Variants in CCZ1 observed in about 807,000 individuals in gnomAD.
CCZ1 encodes the protein CCZ1 vacuolar protein trafficking and biogenesis associated.
CCZ1 carries 19 observed loss-of-function variants against 57.8 expected under a neutral mutation model. That is an observed-to-expected ratio of 0.33 (90% CI 0.23 to 0.48). The LOEUF (loss-of-function observed/expected upper bound fraction) is 0.48, where lower values mean the gene tolerates loss of function less well. Ranked by LOEUF, CCZ1 falls within the 20% of genes least tolerant of loss-of-function variation. CCZ1 has a pLI of 0.99. For missense variants in CCZ1, 200 were observed against 492.0 expected (o/e 0.41, Z 5.61); for synonymous variants, 81 against 167.0 (o/e 0.49, Z 3.97).
At position 5,907,665 on chromosome 7, in the gene CCZ1, C is replaced by T. The variant is rs1424541496; in HGVS notation, c.699-2370C>T. ...CAATCTGGCGCCCAGCTCTGGGGAT[C>T]CTGTTGGCATCGTCATCTTGGAATA... On this transcript the variant is annotated intron_variant, in intron 7 of 14. Transcript: ENST00000325974. Among the ~76,000 whole-genome samples, 2 of 145,948 alleles carry T rather than the reference C, an allele frequency of 1.4e-5. 1 individual carries two copies. The highest frequency in any genetic ancestry group is 3.0e-5 in the Non-Finnish European group (2 of 67,270).
In CCZ1 at chr7:5,907,433, G is replaced by A. The variant is rs1336565868; in HGVS notation, c.698+2164G>A. On this transcript the variant is annotated intron_variant, in intron 7 of 14. Coordinates refer to ENST00000325974, the MANE Select transcript of CCZ1 (RefSeq NM_015622.6). ...GACAAGCCAGAATCCAGCAGTAGTG[G>A]CCCATGGCCTTGCTTCCACCAAAAA... Among the ~76,000 whole-genome samples the A allele has an allele frequency of 1.3e-5, 2 of 148,970 alleles. 1 individual carries two copies. The highest frequency in any genetic ancestry group is 4.5e-4 in the East Asian group (2 of 4,474).
chr7:5,909,977 A>G lies in CCZ1; in HGVS notation c.699-58A>G, dbSNP rs558530762. 15 of 1,473,444 alleles carry G rather than the reference A, an allele frequency of 1.0e-5. No individual in the cohort carries two copies. In the South Asian group the frequency reaches 1.7e-4, roughly 17 times the overall value. 91.3% of individuals were successfully genotyped at this position (1,473,444 alleles called of 1,614,324 possible). A position where few individuals can be genotyped will look rare whatever the true frequency, so the allele number is the denominator to read the frequency against. ...TTTGTTTAATGAGCTTTATCACAGCAGTGGAAAGACAGAAGACAGTTCCAA... is the reference window on the plus strand; with the variant it reads ...TTTGTTTAATGAGCTTTATCACAGCGGTGGAAAGACAGAAGACAGTTCCAA... On this transcript the variant is annotated intron_variant, in intron 7 of 14. Coordinates refer to ENST00000325974, the MANE Select transcript of CCZ1 (RefSeq NM_015622.6).
At position 5,921,085 on chromosome 7, in the gene CCZ1, G is replaced by C. The variant is rs531170619; in HGVS notation, c.1106+1119G>C. Reference sequence around the variant, plus strand: ...TCCTGCCTCAGCCTCCTGAGTAGCTGGGTGCCATCATGCCTGGCTAATTTT... The same window carrying C: ...TCCTGCCTCAGCCTCCTGAGTAGCTCGGTGCCATCATGCCTGGCTAATTTT... On this transcript the variant is annotated intron_variant, in intron 12 of 14. Coordinates refer to ENST00000325974, the MANE Select transcript of CCZ1 (RefSeq NM_015622.6). Among the ~76,000 whole-genome samples, 5 of 99,296 alleles carry C rather than the reference G, an allele frequency of 5.0e-5. 2 individuals carry two copies. Among genetic ancestry groups the C allele is most frequent in the African/African-American group, 2.4e-4 (5 of 20,424 alleles). 65.1% of individuals were successfully genotyped at this position (99,296 alleles called of 152,430 possible). A position where few individuals can be genotyped will look rare whatever the true frequency, so the allele number is the denominator to read the frequency against.
intron 7 of CCZ1, among the ~76,000 whole-genome samples, chr7:5,906,445 C>T (rs1460110920): frequency 6.8e-6 from 1 of 147,828 alleles, no homozygotes; most frequent in Non-Finnish European, 1.5e-5. Context: ...GCCTCAGCCT[C>T]CCAAGTAGCT....
chr7:5,909,754 T>A (rs1490601817), intron 7 of CCZ1, among the ~76,000 whole-genome samples: 1 of 147,162 alleles, frequency 6.8e-6, no homozygotes, highest in African/African-American at 2.5e-5. Flanking sequence ...ATCCAGGGCT[T>A]CAAATTCTTT....
intron 10 of CCZ1, 38 bp downstream of exon 10, chr7:5,912,992 T>C (rs1779071602): frequency 1.9e-6 from 3 of 1,608,486 alleles, no homozygotes; most frequent in South Asian, 1.1e-5. Flanking sequence ...ATGATTGTGC[T>C]GAAGTGGATC....
At chr7:5,904,919 G>A (rs888288947) in intron 6 of CCZ1, among the ~76,000 whole-genome samples, 175 bp from the exon 7 acceptor site, 2 of 148,480 alleles carry the variant, frequency 1.3e-5, no homozygotes, top group African/African-American at 5.1e-5. Flanking sequence ...TTGGTACTGA[G>A]ACTGAGTTGG....
At chr7:5,902,922 T>G (rs569876492) in intron 6 of CCZ1, among the ~76,000 whole-genome samples, 178 bp downstream of exon 6, 1 of 148,858 alleles carries the variant, frequency 6.7e-6, no homozygotes, top group South Asian at 2.2e-4. Flanking sequence ...GCTTGTGCTC[T>G]GGAACCTTCC....
chr7:5,911,459 C>T lies in CCZ1; in HGVS notation c.781-402C>T, dbSNP rs1160893560. Among the ~76,000 whole-genome samples the T allele has an allele frequency of 4.6e-5, 6 of 131,624 alleles. 2 individuals carry two copies. The highest frequency in any genetic ancestry group is 6.0e-4 in the South Asian group (2 of 3,334). The allele number at this position is 131,624 out of a possible 152,430, so 86.4% of individuals were successfully genotyped here. ...CTGAGACTACAGGTGTGTGCCACCA[C>T]ACCTGGCTAATTTTTTGTAGAGATG... On this transcript the variant is annotated intron_variant, in intron 8 of 14. Transcript: ENST00000325974.
Position 5,926,370 on chromosome 7 carries a change from ACTTTTT to A in CCZ1, c.*687_*692del. The A allele has an allele frequency of 1.4e-6, 2 of 1,429,006 alleles. No individual in the cohort carries two copies. The highest frequency in any genetic ancestry group is 1.9e-6 in the Non-Finnish European group (2 of 1,030,462). 88.5% of individuals were successfully genotyped at this position (1,429,006 alleles called of 1,614,324 possible). ...TGTGTGTGTGTCCTCGTGTCTCTCT[ACTTTTT>A]CTTCTTCTTGCTGGTGATGGTCTTG... On this transcript the variant is annotated 3_prime_UTR_variant, in exon 15 of 15. Coordinates refer to ENST00000325974, the MANE Select transcript of CCZ1 (RefSeq NM_015622.6).
At position 5,900,645 on chromosome 7, in the gene CCZ1, A is replaced by G. The variant is rs562346627; in HGVS notation, c.312+79A>G. ...ATCTTTACTGTTCAGAATTTAGGAA[A>G]GTTCTCTGGCTGTTGCATCCAAGTA... On this transcript the variant is annotated intron_variant, in intron 3 of 14. Transcript: ENST00000325974. 4.4e-4 allele frequency: 605 copies of G among 1,382,540 alleles called. 5 individuals carry two copies. Among genetic ancestry groups the G allele is most frequent in the Admixed American group, 6.6e-4 (23 of 35,050 alleles). The allele number at this position is 1,382,540 out of a possible 1,614,324, so 85.6% of individuals were successfully genotyped here. A position where few individuals can be genotyped will look rare whatever the true frequency, so the allele number is the denominator to read the frequency against.
chr7:5,910,531 T>C (rs1365926871), intron 8 of CCZ1, among the ~76,000 whole-genome samples: 1 of 146,468 alleles, frequency 6.8e-6, no homozygotes, highest in Non-Finnish European at 1.5e-5. Context: ...TTTCACTATG[T>C]TGGCCAGGCT....
chr7:5,911,574 C>T (rs1407415768), intron 8 of CCZ1, among the ~76,000 whole-genome samples: 1 of 149,008 alleles, frequency 6.7e-6, no homozygotes, highest in African/African-American at 2.5e-5. Flanking sequence ...GGATTATAGG[C>T]ATGAGCCACC....
At chr7:5,924,470 C>A (rs1779318037) in intron 14 of CCZ1, among the ~76,000 whole-genome samples, 1 of 97,574 alleles carries the variant, frequency 1.0e-5, no homozygotes, top group African/African-American at 3.9e-5. Context: ...AAACTCCAGG[C>A]CTCAAGTGAT....
In CCZ1 at chr7:5,899,334, G is replaced by GTGTGTGT. The variant is rs1562536429; in HGVS notation, c.120+415_120+416insTGTGTGT. On this transcript the variant is annotated intron_variant, in intron 1 of 14. Transcript: ENST00000325974. ...GGAAATAAATTAATTTCGGGAGGGG[G>GTGTGTGT]GTGTGTGTGTGTGTGTGTGTGTGTG... is the stretch of plus-strand genomic sequence containing the variant. 3.1e-3 allele frequency among the ~76,000 whole-genome samples: 39 copies of GTGTGTGT among 12,552 alleles called. 1 individual carries two copies. Among genetic ancestry groups the GTGTGTGT allele is most frequent in the East Asian group, 6.1e-3 (4 of 660 alleles). The allele number at this position is 12,552 out of a possible 152,430, so 8.2% of individuals were successfully genotyped here. A position where few individuals can be genotyped will look rare whatever the true frequency, so the allele number is the denominator to read the frequency against.
At chr7:5,903,752 G>A (rs1322826265) in intron 6 of CCZ1, among the ~76,000 whole-genome samples, 1 of 147,588 alleles carries the variant, frequency 6.8e-6, no homozygotes, top group African/African-American at 2.6e-5. Flanking sequence ...CCACCACTTT[G>A]GGAGGCCGAT....
intron 1 of CCZ1, among the ~76,000 whole-genome samples, chr7:5,899,337 GTGT>G (rs1562536449): frequency 1.1e-3 from 1 of 914 alleles, no homozygotes; most frequent in Non-Finnish European, 3.2e-3. Context: ...GGAGGGGGGT[GTGT>G]GTGTGTGTGT....
chr7:5,907,752 CT>C (rs1781867189), intron 7 of CCZ1, among the ~76,000 whole-genome samples: 1 of 132,824 alleles, frequency 7.5e-6, no homozygotes, highest in South Asian at 2.9e-4. Context: ...CTGTTGTCAC[CT>C]CCAGTGTGCT....
intron 6 of CCZ1, 31 bp downstream of exon 6, chr7:5,902,775 A>G (rs376368159): frequency 6.9e-6 from 11 of 1,585,166 alleles, no homozygotes; most frequent in African/African-American, 2.7e-5. Flanking sequence ...TTATAACTTT[A>G]GTAAGCATTC....
Sources: gnomAD v4.1 joint callset for allele counts (sites outside exome capture counted in the v4.1 genomes callset) on GRCh38, gnomAD v4.1.1 for gene constraint, MANE v1.5 for transcripts, NCBI Gene and HGNC (gene_info 2026-07-23, HGNC 2026-07-21) for gene names.